The following SLC2A9 variants were observed in gnomAD, a reference collection of about 807,000 sequenced individuals.
SLC2A9 encodes the protein solute carrier family 2 member 9, also known as solute carrier family 2, facilitated glucose transporter member 9.
A neutral mutation model predicts 50.6 loss-of-function variants in SLC2A9; 39 were observed. That is an observed-to-expected ratio of 0.77 (90% CI 0.60 to 1.01). SLC2A9 has a LOEUF of 1.01. Among genes scored for constraint, SLC2A9 ranks in the 50% least tolerant of loss-of-function variants. The pLI is 0.00. For synonymous variants in SLC2A9, 324 were observed against 276.9 expected (o/e 1.17, Z -1.69); for missense variants, 686 against 677.6 (o/e 1.01, Z -0.14).
In SLC2A9 at chr4:9,996,833, C is replaced by T. The variant is rs1469839579; in HGVS notation, c.358G>A (p.Gly120Ser). The change falls in exon 3 of 12, where the codon GGT becomes AGT. Residue 120 changes from glycine to serine, a missense_variant. By Grantham distance (56) the Gly-to-Ser change is moderately conservative. Transcript: ENST00000264784. The part of the protein sequence containing the change: ...WSVTVSIFAI[G>S]GLVGTLIVKM... ...ACAATTAACGTCCCCACAAGTCCACCGATGGCGAATATGGACACAGTCACA... is the reference window on the plus strand; with the variant it reads ...ACAATTAACGTCCCCACAAGTCCACTGATGGCGAATATGGACACAGTCACA... 6 of 1,614,178 alleles carry T rather than the reference C, an allele frequency of 3.7e-6. No homozygotes were observed. In the Admixed American group the frequency reaches 5.0e-5, roughly 13 times the overall value.
At position 9,882,851 on chromosome 4, in the gene SLC2A9, C is replaced by G. The variant is rs141052822; in HGVS notation, c.1291+4716G>C. ...TCCATTCTCCACATAAACTTCCTAC[C>G]CCAACCTCATGATGGTATTTATTAG... On this transcript the variant is annotated intron_variant, in intron 10 of 11. Transcript: ENST00000264784. 2.6e-3 allele frequency among the ~76,000 whole-genome samples: 390 copies of G among 152,148 alleles called. 1 individual carries two copies. The highest frequency in any genetic ancestry group is 4.0e-3 in the Admixed American group (61 of 15,280).
At chr4:9,776,315 C>T (rs1260865032), downstream of SLC2A9, among the ~76,000 whole-genome samples, 1 of 151,548 alleles carries the variant, frequency 6.6e-6, no homozygotes, top group Non-Finnish European at 1.5e-5. Context: ...TCAGCTCCAA[C>T]AAAGTTTGTT....
At chr4:10,005,217 T>C (rs1304138904) in intron 2 of SLC2A9, among the ~76,000 whole-genome samples, 2 of 152,254 alleles carry the variant, frequency 1.3e-5, no homozygotes, top group East Asian at 3.9e-4. Context: ...GGAATCCAAG[T>C]CAAGCAAGCA....
At chr4:9,996,665 A>C in intron 3 of SLC2A9, 116 bp downstream of exon 3, 4 of 1,283,728 alleles carry the variant, frequency 3.1e-6, no homozygotes, top group Non-Finnish European at 4.4e-6. Context: ...GGGCATTTGA[A>C]TCTCTCCAGT....
chr4:9,984,442 G>C (rs976196866), intron 4 of SLC2A9, among the ~76,000 whole-genome samples: 2 of 152,202 alleles, frequency 1.3e-5, no homozygotes, highest in African/African-American at 2.4e-5. Context: ...GAGAGAGAGA[G>C]AGAGACAGAG....
intron 4 of SLC2A9, among the ~76,000 whole-genome samples, chr4:9,983,182 A>G: frequency 6.6e-6 from 1 of 152,132 alleles, no homozygotes; most frequent in East Asian, 1.9e-4. Context: ...TAATTTTCAC[A>G]TCACCCAACA....
At chr4:9,867,306 C>T (rs11731339) in intron 10 of SLC2A9, among the ~76,000 whole-genome samples, 4,174 of 152,270 alleles carry the variant, frequency 0.027, 92 homozygotes, top group Non-Finnish European at 0.04. Context: ...GGCCTGGTTC[C>T]GCTCCCCAAC....
chr4:9,888,118 G>T (rs558012424), intron 9 of SLC2A9, among the ~76,000 whole-genome samples: 1 of 148,226 alleles, frequency 6.7e-6, no homozygotes, highest in Non-Finnish European at 1.5e-5. Context: ...GCCTGTTTTG[G>T]GGGGTGGGGG....
rs1021117841 is a variant in SLC2A9, at chr4:9,809,852, C to A, written n.421-10611G>T. ...AGCCGCCATCAACAAGTTTTCTTTT[C>A]TTTTTTTTTTTTTTTAAATTCATGT... On this transcript the variant is annotated intron_variant and non_coding_transcript_variant, in intron 3 of 3. Transcript: ENST00000503280. Among the ~76,000 whole-genome samples, 466 of 140,130 alleles carry A rather than the reference C, an allele frequency of 3.3e-3. 6 individuals carry two copies. Among genetic ancestry groups the A allele is most frequent in the African/African-American group, 0.012 (450 of 38,014 alleles). 91.9% of individuals were successfully genotyped at this position (140,130 alleles called of 152,430 possible). A position where few individuals can be genotyped will look rare whatever the true frequency, so the allele number is the denominator to read the frequency against.
rs79048870 is a variant in SLC2A9 at position 9,861,521 on chromosome 4, T to G, written c.1291+26046A>C. On this transcript the variant is annotated intron_variant, in intron 10 of 11. Transcript: ENST00000264784. The stretch of plus-strand genomic sequence containing the variant: ...ACCATATAATTACATTATATTTTCA[T>G]GTGTTTACAATAAGCCTCCCTCAAC... Among the ~76,000 whole-genome samples the G allele has an allele frequency of 9.4e-3, 1,424 of 152,256 alleles. 22 individuals are homozygous for G. The highest frequency in any genetic ancestry group is 0.032 in the African/African-American group (1,315 of 41,544).
chr4:9,953,701 C>T (rs1360320310), intron 5 of SLC2A9, among the ~76,000 whole-genome samples: 1 of 152,202 alleles, frequency 6.6e-6, no homozygotes, highest in Non-Finnish European at 1.5e-5. Flanking sequence ...TGGCTCACTG[C>T]AGCCTTGACT....
chr4:9,823,908 A>G (rs918126890), downstream of SLC2A9, among the ~76,000 whole-genome samples: 3 of 152,210 alleles, frequency 2.0e-5, no homozygotes, highest in African/African-American at 7.2e-5. Flanking sequence ...TAAAAATTAA[A>G]TTGCTTATGT....
intron 5 of SLC2A9, among the ~76,000 whole-genome samples, chr4:9,973,045 C>T (rs746633554): frequency 1.3e-5 from 2 of 152,050 alleles, no homozygotes; most frequent in Non-Finnish European, 2.9e-5. Context: ...GATTAATAGA[C>T]CACTAGCTAG....
intron 4 of SLC2A9, 148 bp downstream of exon 4, chr4:9,985,521 T>C (rs1269861858): frequency 9.3e-7 from 1 of 1,076,612 alleles, no homozygotes; most frequent in African/African-American, 1.6e-5. Flanking sequence ...ACTGTCCCAC[T>C]TTATGCAGAG....
At chr4:10,017,168 C>T (rs1249985318) in intron 2 of SLC2A9, among the ~76,000 whole-genome samples, 2 of 152,230 alleles carry the variant, frequency 1.3e-5, no homozygotes, top group Non-Finnish European at 2.9e-5. Flanking sequence ...ACAATGCTTG[C>T]TGAATGAATA....
At chr4:9,787,545 A>G (rs191494172) in intron 3 of SLC2A9, among the ~76,000 whole-genome samples, 105 of 152,336 alleles carry the variant, frequency 6.9e-4, no homozygotes, top group Non-Finnish European at 1.1e-3. Context: ...ATTTTGTTGC[A>G]TATTTCCTAA....
At chr4:9,851,612 T>C (rs1433486983) in intron 10 of SLC2A9, among the ~76,000 whole-genome samples, 1 of 152,094 alleles carries the variant, frequency 6.6e-6, no homozygotes, top group Non-Finnish European at 1.5e-5. Context: ...ATTCAGAATA[T>C]GGATAGGAAT....
chr4:9,779,112 A>T (rs759745297), downstream of SLC2A9, among the ~76,000 whole-genome samples: 1 of 152,146 alleles, frequency 6.6e-6, no homozygotes, highest in Non-Finnish European at 1.5e-5. Flanking sequence ...CACTTCCCAG[A>T]TGAGAGAACT....
At chr4:9,952,227 TATC>T (rs1209171832) in intron 5 of SLC2A9, among the ~76,000 whole-genome samples, 2 of 152,230 alleles carry the variant, frequency 1.3e-5, no homozygotes, top group African/African-American at 2.4e-5. Flanking sequence ...CCCTGCCAAA[TATC>T]ATGTTGAATT....
Sources: gnomAD v4.1 joint callset for allele counts (sites outside exome capture counted in the v4.1 genomes callset) on GRCh38, gnomAD v4.1.1 for gene constraint, MANE v1.5 for transcripts, NCBI Gene and HGNC (gene_info 2026-07-23, HGNC 2026-07-21) for gene names.